The following GTF2IRD1 variants were observed in gnomAD, a reference collection of about 807,000 sequenced individuals.
GTF2IRD1 encodes the protein general transcription factor II-I repeat domain-containing protein 1.
A neutral mutation model predicts 113.2 loss-of-function variants in GTF2IRD1; 26 were observed. The ratio of observed to expected loss-of-function variants is 0.23; its 90% CI spans 0.17 to 0.32. The LOEUF is 0.32. Among genes scored for constraint, GTF2IRD1 ranks in the 10% least tolerant of loss-of-function variants. The pLI, the probability that GTF2IRD1 is intolerant of heterozygous loss-of-function variation, is 1.00. For missense variants in GTF2IRD1, 864 were observed against 1,280.8 expected (o/e 0.67, Z 4.97); for synonymous variants, 484 against 529.1 (o/e 0.91, Z 1.17).
intron 24 of GTF2IRD1, among the ~76,000 whole-genome samples, chr7:74,593,539 C>T (rs1236091173): frequency 3.2e-4 from 48 of 151,300 alleles, no homozygotes; most frequent in African/African-American, 1.1e-3. Context: ...CACAACCATC[C>T]TGGCTAACAT....
intron 10 of GTF2IRD1, among the ~76,000 whole-genome samples, chr7:74,535,697 C>T (rs868907633): frequency 5.9e-5 from 9 of 152,312 alleles, no homozygotes; most frequent in Middle Eastern, 3.4e-3. Context: ...GGTCCCGCCT[C>T]CCACCAGCTG....
intron 2 of GTF2IRD1, among the ~76,000 whole-genome samples, chr7:74,510,708 A>G (rs2130078429): frequency 1.3e-5 from 2 of 152,226 alleles, no homozygotes; most frequent in Middle Eastern, 3.4e-3. Context: ...GCTGGTGTCT[A>G]TGGATTGGAC....
intron 5 of GTF2IRD1, among the ~76,000 whole-genome samples, chr7:74,518,831 T>G (rs1554345244): frequency 1.3e-5 from 2 of 152,034 alleles, no homozygotes; most frequent in Non-Finnish European, 2.9e-5. Context: ...GAGGATGCAG[T>G]GAGCTGTGAT....
chr7:74,546,212 G>GTTTTTC (rs1554353215), intron 16 of GTF2IRD1, among the ~76,000 whole-genome samples: 2 of 142,266 alleles, frequency 1.4e-5, no homozygotes. Context: ...GATTCCCCAT[G>GTTTTTC]TTTTTCTTTT....
In GTF2IRD1 at chr7:74,477,946, G is replaced by C. The variant is rs372796310; in HGVS notation, c.-7+23770G>C. On this transcript the variant is annotated intron_variant, in intron 1 of 26. Transcript: ENST00000424337. Reference sequence around the variant, plus strand: ...AGGGTTCTTGGGAGACAGGATCCCAGGGCCCCCCTGCACTGCCTGGCCCCA... The same window carrying C: ...AGGGTTCTTGGGAGACAGGATCCCACGGCCCCCCTGCACTGCCTGGCCCCA... 1.1e-4 allele frequency among the ~76,000 whole-genome samples: 16 copies of C among 152,308 alleles called. No individual in the cohort carries two copies. In the South Asian group the frequency reaches 2.9e-3, roughly 28 times the overall value.
chr7:74,505,869 A>T (rs1796273275), intron 1 of GTF2IRD1: 1 of 152,252 alleles, frequency 6.6e-6, no homozygotes, highest in African/African-American at 2.4e-5. Context: ...CTCGTGGTTC[A>T]TCAGCGGGTG....
chr7:74,483,745 C>T (rs1369348713), intron 1 of GTF2IRD1, among the ~76,000 whole-genome samples: 1 of 151,900 alleles, frequency 6.6e-6, no homozygotes, highest in Non-Finnish European at 1.5e-5. Flanking sequence ...CAGGGAGCTA[C>T]TCGGGAGGCT....
chr7:74,547,870 C>T (rs1182086400), intron 17 of GTF2IRD1, among the ~76,000 whole-genome samples: 3 of 151,370 alleles, frequency 2.0e-5, no homozygotes, highest in Non-Finnish European at 4.4e-5. Context: ...TGACCCCTCT[C>T]GCAGTCTCAG....
chr7:74,577,039 A>ATTTG (rs1296346545), intron 22 of GTF2IRD1, among the ~76,000 whole-genome samples: 21 of 149,212 alleles, frequency 1.4e-4, no homozygotes, highest in Non-Finnish European at 2.2e-4. Context: ...CATTTTTTTT[A>ATTTG]TTTGTTTGTT....
chr7:74,583,295 C>T (rs1302371420), intron 22 of GTF2IRD1, among the ~76,000 whole-genome samples: 1 of 151,956 alleles, frequency 6.6e-6, no homozygotes. Flanking sequence ...CTCAAGCAAT[C>T]CTCCCACCTC....
At chr7:74,535,991 C>G (rs1798268995) in intron 10 of GTF2IRD1, among the ~76,000 whole-genome samples, 176 bp from the exon 11 acceptor site, 1 of 152,210 alleles carries the variant, frequency 6.6e-6, no homozygotes. Context: ...GCGTCAGAGT[C>G]TCTCCCCAGG....
intron 1 of GTF2IRD1, among the ~76,000 whole-genome samples, chr7:74,464,824 A>G (rs1287121568): frequency 1.3e-5 from 2 of 152,076 alleles, no homozygotes; most frequent in African/African-American, 4.8e-5. Flanking sequence ...AGGTTGCCCC[A>G]AGTACCTTTC....
intron 3 of GTF2IRD1, among the ~76,000 whole-genome samples, chr7:74,513,985 C>T (rs940092232): frequency 6.6e-6 from 1 of 152,128 alleles, no homozygotes; most frequent in Non-Finnish European, 1.5e-5. Context: ...TGCACTCCAG[C>T]CTGGGTGACA....
intron 17 of GTF2IRD1, among the ~76,000 whole-genome samples, chr7:74,551,884 C>T (rs1213109222): frequency 6.6e-6 from 1 of 151,540 alleles, no homozygotes; most frequent in Non-Finnish European, 1.5e-5. Flanking sequence ...TGCAGTGAGC[C>T]GAGATTGTGC....
intron 19 of GTF2IRD1, 125 bp from the exon 20 acceptor site, chr7:74,557,514 C>G (rs1296414223): frequency 1.3e-5 from 8 of 631,530 alleles, no homozygotes; most frequent in South Asian, 2.0e-5. Flanking sequence ...CTGAGGGGCC[C>G]ACTCCAAAGA....
At chr7:74,592,335 C>T (rs1449648840) in intron 24 of GTF2IRD1, among the ~76,000 whole-genome samples, 6 of 151,530 alleles carry the variant, frequency 4.0e-5, no homozygotes, top group African/African-American at 1.2e-4. Flanking sequence ...AAACTCCTGA[C>T]CTCAGGTGAT....
intron 1 of GTF2IRD1, among the ~76,000 whole-genome samples, chr7:74,492,026 C>T (rs180698242): frequency 2.8e-4 from 42 of 152,202 alleles, no homozygotes; most frequent in African/African-American, 8.7e-4. Flanking sequence ...TGTTTTGAGA[C>T]GGAGTCTTAC....
chr7:74,482,426 CTG>C (rs1367562632), intron 1 of GTF2IRD1, among the ~76,000 whole-genome samples: 3 of 151,858 alleles, frequency 2.0e-5, no homozygotes, highest in Non-Finnish European at 4.4e-5. Context: ...CAGGGTCTCT[CTG>C]TGTTGTCCAG....
chr7:74,578,415 A>T (rs1801209201), intron 22 of GTF2IRD1, among the ~76,000 whole-genome samples: 1 of 152,030 alleles, frequency 6.6e-6, no homozygotes, highest in Non-Finnish European at 1.5e-5. Context: ...TGACCTCACG[A>T]TCCACCCGCC....
Sources: gnomAD v4.1 joint callset for allele counts (sites outside exome capture counted in the v4.1 genomes callset) on GRCh38, gnomAD v4.1.1 for gene constraint, MANE v1.5 for transcripts, NCBI Gene and HGNC (gene_info 2026-07-23, HGNC 2026-07-21) for gene names.